Variants in MAGI2 observed in about 807,000 individuals in gnomAD.
MAGI2 encodes membrane-associated guanylate kinase, WW and PDZ domain-containing protein 2.
Under a neutral mutation model 133.3 loss-of-function variants are expected in MAGI2, and 35 were observed. The ratio of observed to expected loss-of-function variants is 0.26; its 90% CI spans 0.20 to 0.35. The LOEUF (loss-of-function observed/expected upper bound fraction) is 0.35. MAGI2 is among the 10% of genes least tolerant of loss of function. MAGI2 has a pLI of 1.00. For synonymous variants in MAGI2, 729 were observed against 710.6 expected (o/e 1.03, Z -0.41); for missense variants, 1,636 against 1,863.4 (o/e 0.88, Z 2.25).
At chr7:78,176,849 G>C (rs1826668904) in intron 14 of MAGI2, among the ~76,000 whole-genome samples, 1 of 144,292 alleles carries the variant, frequency 6.9e-6, no homozygotes, top group African/African-American at 2.6e-5. Context: ...CTCTGTCTCA[G>C]GAAAACCACA....
chr7:78,208,605 T>A (rs920624178), intron 10 of MAGI2, among the ~76,000 whole-genome samples: 1 of 151,656 alleles, frequency 6.6e-6, no homozygotes, highest in Non-Finnish European at 1.5e-5. Flanking sequence ...CTGTAAAAAA[T>A]TGGCAAAGAA....
chr7:78,290,268 C>T (rs980208700), intron 9 of MAGI2, among the ~76,000 whole-genome samples: 25 of 152,218 alleles, frequency 1.6e-4, no homozygotes, highest in African/African-American at 5.8e-4. Flanking sequence ...ATCTAACAAG[C>T]AAATGGAAAA....
At chr7:78,445,215 A>G (rs1047814698) in intron 6 of MAGI2, among the ~76,000 whole-genome samples, 1 of 152,054 alleles carries the variant, frequency 6.6e-6, no homozygotes, top group Admixed American at 6.6e-5. Context: ...TTGCAAGCAG[A>G]TATCATGCAA....
intron 10 of MAGI2, among the ~76,000 whole-genome samples, chr7:78,206,591 G>A (rs561133037): frequency 1.6e-4 from 25 of 151,922 alleles, no homozygotes; most frequent in East Asian, 3.9e-4. Flanking sequence ...GCGCCTGGCC[G>A]CCAAGACAAC....
At chr7:78,707,116 C>A (rs1359326174) in intron 2 of MAGI2, among the ~76,000 whole-genome samples, 1 of 152,130 alleles carries the variant, frequency 6.6e-6, no homozygotes. Flanking sequence ...AGAGCCACAC[C>A]CTTAACTTAA....
At chr7:78,598,439 G>C (rs974256704) in intron 3 of MAGI2, among the ~76,000 whole-genome samples, 1 of 152,040 alleles carries the variant, frequency 6.6e-6, no homozygotes, top group Non-Finnish European at 1.5e-5. Context: ...TTTAGGTAAA[G>C]ATGGTAGATT....
At chr7:78,666,032 C>A (rs112012583) in intron 2 of MAGI2, among the ~76,000 whole-genome samples, 2,326 of 152,192 alleles carry the variant, frequency 0.015, 66 homozygotes, top group African/African-American at 0.053. Flanking sequence ...AGGCCAGTTT[C>A]CAACTGAAAA....
intron 1 of MAGI2, among the ~76,000 whole-genome samples, chr7:79,237,784 A>G (rs899419620): frequency 1.3e-5 from 2 of 152,188 alleles, no homozygotes; most frequent in African/African-American, 2.4e-5. Context: ...GCCACAATGT[A>G]TTTAAATATT....
At chr7:79,139,512 C>G (rs1333058830) in intron 1 of MAGI2, among the ~76,000 whole-genome samples, 2 of 152,194 alleles carry the variant, frequency 1.3e-5, no homozygotes, top group African/African-American at 4.8e-5. Context: ...CACTCTGATA[C>G]ACGGCTTCCC....
intron 16 of MAGI2, among the ~76,000 whole-genome samples, chr7:78,151,843 G>A (rs1040451133): frequency 2.3e-4 from 35 of 152,030 alleles, no homozygotes; most frequent in African/African-American, 8.2e-4. Flanking sequence ...GTTTGGGTGC[G>A]GAGTAACTTA....
At chr7:78,375,171 T>A (rs1255319320) in intron 6 of MAGI2, among the ~76,000 whole-genome samples, 1 of 152,126 alleles carries the variant, frequency 6.6e-6, no homozygotes, top group Non-Finnish European at 1.5e-5. Flanking sequence ...ATAGGTATAT[T>A]CAAGAGAATG....
intron 1 of MAGI2, among the ~76,000 whole-genome samples, chr7:79,260,226 C>A (rs191088756): frequency 6.6e-6 from 1 of 152,074 alleles, no homozygotes; most frequent in African/African-American, 2.4e-5. Flanking sequence ...CATGGTGGCG[C>A]GCTCCTGGGG....
intron 18 of MAGI2, among the ~76,000 whole-genome samples, chr7:78,129,538 T>C (rs1486055322): frequency 1.3e-5 from 2 of 152,198 alleles, no homozygotes; most frequent in Non-Finnish European, 2.9e-5. Flanking sequence ...ATTTTAGAAA[T>C]GATAAAACCA....
At chr7:78,945,587 T>C (rs1293505376) in intron 2 of MAGI2, among the ~76,000 whole-genome samples, 1 of 152,172 alleles carries the variant, frequency 6.6e-6, no homozygotes. Context: ...ATAGATTCCT[T>C]GACATTTATT....
At chr7:79,300,222 A>T (rs1291010926) in intron 1 of MAGI2, among the ~76,000 whole-genome samples, 1 of 152,204 alleles carries the variant, frequency 6.6e-6, no homozygotes, top group Admixed American at 6.5e-5. Flanking sequence ...GAGGAAGACA[A>T]GATGATGAGA....
Position 79,149,776 on chromosome 7 carries a change from G to A in MAGI2, c.302-142570C>T, listed in dbSNP as rs528809058. On this transcript the variant is annotated intron_variant, in intron 1 of 21. Transcript: ENST00000354212. ...TTTCAATTTACAGTAAGGACACAAGGTTTCTTTTAAAAATAAATATATTCA... is the reference window on the plus strand; with the variant it reads ...TTTCAATTTACAGTAAGGACACAAGATTTCTTTTAAAAATAAATATATTCA... 3.9e-5 allele frequency among the ~76,000 whole-genome samples: 6 copies of A among 152,138 alleles called. No homozygotes were observed. In the East Asian group the frequency reaches 9.7e-4, roughly 25 times the overall value.
At chr7:79,052,044 C>T (rs1187541551) in intron 1 of MAGI2, among the ~76,000 whole-genome samples, 2 of 152,064 alleles carry the variant, frequency 1.3e-5, no homozygotes, top group Non-Finnish European at 2.9e-5. Context: ...GTTCCTAACA[C>T]TCCCAATAGC....
At chr7:79,301,463 T>G (rs1291257375) in intron 1 of MAGI2, among the ~76,000 whole-genome samples, 1 of 152,242 alleles carries the variant, frequency 6.6e-6, no homozygotes, top group Admixed American at 6.5e-5. Flanking sequence ...GTGTGAGGCC[T>G]GCAGCCCTTT....
intron 6 of MAGI2, among the ~76,000 whole-genome samples, chr7:78,398,874 A>G (rs1796597910): frequency 6.6e-6 from 1 of 152,156 alleles, no homozygotes; most frequent in Admixed American, 6.5e-5. Flanking sequence ...CCCTTATTGC[A>G]GTGATCTTGA....
Sources: gnomAD v4.1 joint callset for allele counts (sites outside exome capture counted in the v4.1 genomes callset) on GRCh38, gnomAD v4.1.1 for gene constraint, MANE v1.5 for transcripts, NCBI Gene and HGNC (gene_info 2026-07-23, HGNC 2026-07-21) for gene names.